Variants in DOCK1 observed in about 807,000 individuals in gnomAD.
DOCK1 encodes dedicator of cytokinesis 1.
In DOCK1, 138 loss-of-function variants were observed where a neutral mutation model predicts 262.7. The ratio of observed to expected loss-of-function variants is 0.53; its 90% CI spans 0.46 to 0.61. The LOEUF (loss-of-function observed/expected upper bound fraction) is 0.61, where lower values mean the gene tolerates loss of function less well. Ranked by LOEUF, DOCK1 falls within the 20% of genes least tolerant of loss-of-function variation. The pLI is 0.00. For missense variants in DOCK1, 1,908 were observed against 2,370.7 expected, an observed-to-expected ratio of 0.80 and a Z score of 4.05; for synonymous variants, 866 against 867.4, an observed-to-expected ratio of 1.00 and a Z score of 0.03.
chr10:126,972,021 A>T (rs2038150016), intron 2 of DOCK1, among the ~76,000 whole-genome samples: 1 of 151,952 alleles, frequency 6.6e-6, no homozygotes, highest in African/African-American at 2.4e-5. Context: ...GGTTCAAGCG[A>T]TTCTCCTGCC....
chr10:127,316,299 A>G (rs1475733853), intron 29 of DOCK1, among the ~76,000 whole-genome samples: 1 of 152,132 alleles, frequency 6.6e-6, no homozygotes, highest in Non-Finnish European at 1.5e-5. Flanking sequence ...CGTTTAACTT[A>G]TATCTGCCCA....
At chr10:126,982,095 A>T in intron 4 of DOCK1, 122 bp downstream of exon 4, 1 of 1,064,706 alleles carries the variant, frequency 9.4e-7, no homozygotes, top group Non-Finnish European at 1.4e-6. Context: ...CTCCTGGGGG[A>T]CAGGAGTTTT....
intron 27 of DOCK1, among the ~76,000 whole-genome samples, chr10:127,157,480 C>A (rs1383952486): frequency 6.6e-6 from 1 of 152,222 alleles, no homozygotes; most frequent in Non-Finnish European, 1.5e-5. Context: ...GGAAACACTT[C>A]TTGACTTTTA....
chr10:126,981,356 C>T (rs1177059248), intron 3 of DOCK1, among the ~76,000 whole-genome samples: 1 of 152,210 alleles, frequency 6.6e-6, no homozygotes, highest in Non-Finnish European at 1.5e-5. Context: ...GTGCATTGCA[C>T]TTGAGGGAGG....
intron 29 of DOCK1, among the ~76,000 whole-genome samples, chr10:127,327,154 G>A (rs1325328983): frequency 6.6e-6 from 1 of 152,232 alleles, no homozygotes; most frequent in Non-Finnish European, 1.5e-5. Flanking sequence ...AAAGTCGCCA[G>A]CTGCCTTAGC....
chr10:126,986,544 AC>A lies in DOCK1; in HGVS notation c.228-974del, dbSNP rs2039403719. Among the ~76,000 whole-genome samples, 3 of 152,302 alleles carry A rather than the reference AC, an allele frequency of 2.0e-5. No homozygotes were observed. In the South Asian group the frequency reaches 6.2e-4, roughly 32 times the overall value. ...TGAGTCTTACTTAGCATAGTGCCTG[AC>A]CCAGAGCACATGCCCAGGAAGCAGT... is the stretch of plus-strand genomic sequence containing the variant. On this transcript the variant is annotated intron_variant, in intron 4 of 51. Coordinates refer to ENST00000623213, the MANE Select transcript of DOCK1 (RefSeq NM_001290223.2).
intron 21 of DOCK1, among the ~76,000 whole-genome samples, chr10:127,050,675 C>T (rs577901737): frequency 1.4e-4 from 21 of 150,304 alleles, no homozygotes; most frequent in Non-Finnish European, 1.9e-4. Context: ...ACTGCACTCC[C>T]GCCTGGGCAA....
chr10:127,320,066 C>A (rs1251055337), intron 29 of DOCK1, among the ~76,000 whole-genome samples: 1 of 152,136 alleles, frequency 6.6e-6, no homozygotes, highest in East Asian at 1.9e-4. Context: ...GAAGCCAGAG[C>A]CCTTGTGCAC....
At chr10:127,055,672 C>G (rs2045093528) in intron 22 of DOCK1, among the ~76,000 whole-genome samples, 1 of 152,214 alleles carries the variant, frequency 6.6e-6, no homozygotes, top group Non-Finnish European at 1.5e-5. Context: ...GTTACTAAAT[C>G]CTACTTAACT....
chr10:127,114,652 T>C (rs1284344007), intron 25 of DOCK1, among the ~76,000 whole-genome samples: 1 of 151,978 alleles, frequency 6.6e-6, no homozygotes, highest in South Asian at 2.1e-4. Flanking sequence ...GCTAAAACTA[T>C]GGAAAATTTC....
At chr10:126,927,530 G>A (rs2033840622) in intron 1 of DOCK1, among the ~76,000 whole-genome samples, 2 of 152,054 alleles carry the variant, frequency 1.3e-5, no homozygotes, top group South Asian at 2.1e-4. Context: ...TCCGCCTCCC[G>A]GGTTCAAGCG....
intron 23 of DOCK1, among the ~76,000 whole-genome samples, chr10:127,091,549 A>G (rs999672577): frequency 6.6e-6 from 1 of 152,240 alleles, no homozygotes; most frequent in African/African-American, 2.4e-5. Context: ...TCAAGGTCCA[A>G]GGAATCAAAG....
chr10:127,333,337 A>G (rs2063064375), intron 29 of DOCK1, among the ~76,000 whole-genome samples: 1 of 152,208 alleles, frequency 6.6e-6, no homozygotes, highest in African/African-American at 2.4e-5. Flanking sequence ...CTCCCTCTGT[A>G]GTAATGAGGC....
chr10:127,233,065 A>T (rs879191168), intron 27 of DOCK1, among the ~76,000 whole-genome samples: 1 of 152,174 alleles, frequency 6.6e-6, no homozygotes, highest in African/African-American at 2.4e-5. Flanking sequence ...TCCCTTTTTA[A>T]TTTTATGTAT....
At chr10:127,120,484 C>A (rs1427840602) in intron 25 of DOCK1, among the ~76,000 whole-genome samples, 1 of 152,132 alleles carries the variant, frequency 6.6e-6, no homozygotes, top group Admixed American at 6.5e-5. Context: ...AACGTGAATT[C>A]TCTCTAAATA....
intron 27 of DOCK1, among the ~76,000 whole-genome samples, chr10:127,145,566 C>T (rs1365315473): frequency 6.6e-6 from 1 of 152,138 alleles, no homozygotes. Flanking sequence ...GCTGTGAGTC[C>T]CTCGTGGCCA....
chr10:126,978,193 C>T (rs768891797), intron 3 of DOCK1, among the ~76,000 whole-genome samples: 9 of 152,126 alleles, frequency 5.9e-5, no homozygotes, highest in East Asian at 1.9e-4. Flanking sequence ...GCTTCATCTC[C>T]GTGAGTGAAT....
chr10:127,391,056 T>TTGCC (rs987393108), intron 38 of DOCK1, among the ~76,000 whole-genome samples: 3 of 152,162 alleles, frequency 2.0e-5, no homozygotes, highest in African/African-American at 7.2e-5. Context: ...GGCAGTAGAA[T>TTGCC]TGCCTGCCTG....
chr10:127,354,893 A>G (rs2064064647), intron 32 of DOCK1, among the ~76,000 whole-genome samples, 166 bp downstream of exon 32: 1 of 152,256 alleles, frequency 6.6e-6, no homozygotes, highest in Non-Finnish European at 1.5e-5. Flanking sequence ...ATTAAGAGAT[A>G]GAAGACCAAA....
Sources: allele counts gnomAD v4.1 joint callset (sites outside exome capture counted in the v4.1 genomes callset), GRCh38; gene constraint gnomAD v4.1.1; transcripts MANE v1.5; gene names NCBI Gene and HGNC (gene_info 2026-07-23, HGNC 2026-07-21).